Variants in FBXO17 observed in about 807,000 individuals in gnomAD.
The protein encoded by FBXO17 is F-box only protein 17.
A neutral mutation model predicts 34.1 loss-of-function variants in FBXO17; 43 were observed. The observed-to-expected ratio is 1.26, with a 90% CI of 0.99 to 1.62. The LOEUF is 1.62. Ranked by LOEUF, FBXO17 falls within the 40% of genes most tolerant of loss-of-function variation. The pLI is 0.00. For missense variants in FBXO17, 424 were observed against 386.7 expected, an observed-to-expected ratio of 1.10 and a Z score of -0.81; for synonymous variants, 169 against 166.0, an observed-to-expected ratio of 1.02 and a Z score of -0.14.
At chr19:38,968,475 G>T (rs1257616584) in intron 1 of FBXO17, among the ~76,000 whole-genome samples, 1 of 147,094 alleles carries the variant, frequency 6.8e-6, no homozygotes, top group East Asian at 2.0e-4. Flanking sequence ...GACAGAATAA[G>T]AGCCTGTCTC....
At chr19:38,959,270 TC>T (rs1346431558) in intron 1 of FBXO17, among the ~76,000 whole-genome samples, 6 of 68,068 alleles carry the variant, frequency 8.8e-5, no homozygotes, top group Non-Finnish European at 4.9e-5. Context: ...TGTCTTTCTT[TC>T]TTTCTTTCTT....
At position 38,942,464 on chromosome 19, in the gene FBXO17, G is replaced by T; in HGVS notation, c.*144C>A. ...TTATTTGTGGAGACGGTTTCACTAT[G>T]TTGCCCAGGCTGGTCTTGAACTCCC... On this transcript the variant is annotated 3_prime_UTR_variant, in exon 6 of 6. Transcript: ENST00000292852. 1 of 806,802 alleles carries T rather than the reference G, an allele frequency of 1.2e-6. No individual in the cohort carries two copies. The highest frequency in any genetic ancestry group is 1.8e-6 in the Non-Finnish European group (1 of 568,130). The allele number at this position is 806,802 out of a possible 1,614,324, so 50.0% of individuals were successfully genotyped here.
At chr19:38,971,611 C>T (rs181432866) in intron 1 of FBXO17, among the ~76,000 whole-genome samples, 417 of 151,912 alleles carry the variant, frequency 2.7e-3, no homozygotes, top group Non-Finnish European at 4.8e-3. Flanking sequence ...TAGTGAGACC[C>T]CTGTCTCTAC....
chr19:38,946,447 G>C (rs1286746231), intron 4 of FBXO17, 25 bp downstream of exon 4: 3 of 1,613,468 alleles, frequency 1.9e-6, no homozygotes, highest in South Asian at 1.1e-5. Context: ...TGCTGCTCTG[G>C]GGCAGGGTGC....
At chr19:38,956,880 A>G (rs1975174273) in intron 1 of FBXO17, among the ~76,000 whole-genome samples, 1 of 152,060 alleles carries the variant, frequency 6.6e-6, no homozygotes, top group Non-Finnish European at 1.5e-5. Flanking sequence ...AAATAAATAA[A>G]TAAAATAGTT....
chr19:38,962,724 CT>C (rs147912194), intron 1 of FBXO17, among the ~76,000 whole-genome samples: 7 of 148,222 alleles, frequency 4.7e-5, no homozygotes, highest in Admixed American at 6.8e-5. Context: ...TTTTTCTTTC[CT>C]TTTTTTTTTG....
At chr19:38,960,961 C>T (rs1247185540) in intron 1 of FBXO17, among the ~76,000 whole-genome samples, 1 of 151,972 alleles carries the variant, frequency 6.6e-6, no homozygotes. Context: ...TGCGCACCAC[C>T]ACGCCAGGCT....
chr19:38,948,580 CG>C lies in FBXO17; in HGVS notation c.447del (p.Phe149LeufsTer2). 6.2e-7 allele frequency: 1 copy of C among 1,613,802 alleles called. No individual in the cohort carries two copies. Among genetic ancestry groups the C allele is most frequent in the South Asian group, 1.1e-5 (1 of 91,032 alleles). On this transcript the variant is annotated frameshift_variant, in exon 3 of 6. Coordinates refer to ENST00000292852, the MANE Select transcript of FBXO17 (RefSeq NM_024907.7). LOFTEE classifies it high-confidence loss of function. ...PVPGAPSQTC[F>X]VTSFEWCSKR... ...TGGGCCACTCACTCGAAAGAGGTCA[CG>C]AAGCAGGTCTGCGAAGGAGCCCCAG...
chr19:38,973,280 C>G (rs1975413846), intron 1 of FBXO17, among the ~76,000 whole-genome samples: 1 of 152,156 alleles, frequency 6.6e-6, no homozygotes, highest in Non-Finnish European at 1.5e-5. Context: ...GAGGCTGAGG[C>G]AGGAGAATCG....
intron 3 of FBXO17, 36 bp downstream of exon 3, chr19:38,948,530 GC>G: frequency 6.4e-7 from 1 of 1,557,626 alleles, no homozygotes; most frequent in Non-Finnish European, 8.8e-7. Flanking sequence ...TGGGGCCTTT[GC>G]CCCAGGGATC....
rs1975444665 is a variant in FBXO17, at chr19:38,975,196, A to T, written c.-18+390T>A. 6.6e-6 allele frequency among the ~76,000 whole-genome samples: 1 copy of T among 152,184 alleles called. No individual in the cohort carries two copies. Among genetic ancestry groups the T allele is most frequent in the African/African-American group, 2.4e-5 (1 of 41,452 alleles). On this transcript the variant is annotated intron_variant, in intron 1 of 5. Coordinates refer to ENST00000292852, the MANE Select transcript of FBXO17 (RefSeq NM_024907.7). The surrounding 1 kb of genome is among the most constrained non-coding windows in gnomAD (Gnocchi z 4.9). ...AAGGGACTGACGGCCAGAAGACAGA[A>T]AATCCAGCAACGGTAAAAAGCGGCC...
At chr19:38,967,375 G>A (rs868597006) in intron 1 of FBXO17, among the ~76,000 whole-genome samples, 3 of 152,192 alleles carry the variant, frequency 2.0e-5, no homozygotes, top group Middle Eastern at 3.4e-3. Context: ...GGGAGGCAGA[G>A]GTTGCAGTGA....
chr19:38,945,167 G>A (rs544094177), intron 4 of FBXO17, 63 bp from the exon 5 acceptor site: 101 of 1,594,454 alleles, frequency 6.3e-5, no homozygotes, highest in South Asian at 4.5e-4. Flanking sequence ...GTTTCGGGGC[G>A]GGAGGCTGAG....
chr19:38,966,918 A>G (rs2144840995), intron 1 of FBXO17, among the ~76,000 whole-genome samples: 1 of 152,356 alleles, frequency 6.6e-6, no homozygotes, highest in South Asian at 2.1e-4. Flanking sequence ...TTAATCATAC[A>G]TCTAAATTTA....
intron 1 of FBXO17, among the ~76,000 whole-genome samples, chr19:38,956,877 TAAATA>T (rs1975174223): frequency 6.6e-6 from 1 of 151,850 alleles, no homozygotes; most frequent in African/African-American, 2.4e-5. Context: ...AATAAATAAA[TAAATA>T]AAATAGTTGC....
intron 5 of FBXO17, chr19:38,944,675 C>A: frequency 2.6e-6 from 1 of 388,528 alleles, no homozygotes; most frequent in Non-Finnish European, 4.7e-6. Flanking sequence ...TTCCTCAACT[C>A]TAGAATGGAG....
intron 1 of FBXO17, among the ~76,000 whole-genome samples, chr19:38,953,285 C>T (rs1975113719): frequency 6.6e-6 from 1 of 151,924 alleles, no homozygotes; most frequent in Admixed American, 6.6e-5. Flanking sequence ...CCAGCCTGGG[C>T]AACAAAGCGA....
chr19:38,965,334 C>CT (rs11376869), intron 1 of FBXO17, among the ~76,000 whole-genome samples: 42,646 of 143,292 alleles, frequency 0.3, 6,796 homozygotes, highest in East Asian at 0.5. Flanking sequence ...TTTTTCTTTT[C>CT]TTTTTTTTTT....
At chr19:38,944,941 G>A (rs192483812) in intron 5 of FBXO17, 28 bp downstream of exon 5, 1 of 1,613,130 alleles carries the variant, frequency 6.2e-7, no homozygotes, top group Non-Finnish European at 8.5e-7. Flanking sequence ...AGCGGGTCGG[G>A]GGGAGCTGGA....
Sources: gnomAD v4.1 joint callset for allele counts (sites outside exome capture counted in the v4.1 genomes callset) on GRCh38, gnomAD v4.1.1 for gene constraint, Gnocchi (gnomAD v3.1) non-coding constraint, MANE v1.5 for transcripts, NCBI Gene and HGNC (gene_info 2026-07-23, HGNC 2026-07-21) for gene names.